Variants in SGCD observed in about 807,000 individuals in gnomAD.
SGCD encodes sarcoglycan delta, also known as delta-sarcoglycan.
Under a neutral mutation model 36.6 loss-of-function variants are expected in SGCD, and 18 were observed. That is an observed-to-expected ratio of 0.49 (90% CI 0.34 to 0.73). The LOEUF is 0.73. Ranked by LOEUF, SGCD falls within the 30% of genes least tolerant of loss-of-function variation. The pLI is 0.01. For missense variants in SGCD, 387 were observed against 346.7 expected (o/e 1.12, Z -0.92); for synonymous variants, 133 against 130.6 (o/e 1.02, Z -0.12).
intron 1 of SGCD, among the ~76,000 whole-genome samples, chr5:156,068,746 C>CA (rs1760425646): frequency 6.6e-6 from 1 of 150,540 alleles, no homozygotes; most frequent in African/African-American, 2.5e-5. Flanking sequence ...CCAACAGTGT[C>CA]AAAGTGTTCC....
chr5:156,238,527 C>A (rs1157275607), intron 3 of SGCD, among the ~76,000 whole-genome samples: 1 of 152,152 alleles, frequency 6.6e-6, no homozygotes, highest in East Asian at 1.9e-4. Flanking sequence ...GTGGATAAGG[C>A]CAAGAATAGA....
the SGCD span, among the ~76,000 whole-genome samples, chr5:155,817,213 G>C: frequency 6.6e-6 from 1 of 152,044 alleles, no homozygotes; most frequent in Non-Finnish European, 1.5e-5. Flanking sequence ...TCTTGGTAAT[G>C]CTGCAATGAA....
At chr5:156,723,197 GTTATCT>G (rs564950522) in intron 7 of SGCD, among the ~76,000 whole-genome samples, 10 of 152,142 alleles carry the variant, frequency 6.6e-5, no homozygotes, top group Non-Finnish European at 1.2e-4. Flanking sequence ...GGAGCACCAA[GTTATCT>G]GAGATTGAAA....
chr5:156,132,158 A>G (rs1581118915), intron 3 of SGCD, among the ~76,000 whole-genome samples: 1 of 152,128 alleles, frequency 6.6e-6, no homozygotes, highest in East Asian at 1.9e-4. Context: ...TGTTTCTCAT[A>G]GTCATCACTG....
At chr5:156,071,184 G>T (rs1278571997) in intron 1 of SGCD, among the ~76,000 whole-genome samples, 2 of 152,110 alleles carry the variant, frequency 1.3e-5, no homozygotes, top group Non-Finnish European at 2.9e-5. Context: ...TTTTGAATGT[G>T]TTTGCTCTTG....
At chr5:156,388,582 C>T (rs1771401590) in intron 3 of SGCD, among the ~76,000 whole-genome samples, 1 of 152,186 alleles carries the variant, frequency 6.6e-6, no homozygotes, top group African/African-American at 2.4e-5. Flanking sequence ...ATTTGGCAGT[C>T]TGAAGACCCC....
chr5:156,331,306 C>T (rs115199871), intron 2 of SGCD, among the ~76,000 whole-genome samples: 3,046 of 152,252 alleles, frequency 0.02, 103 homozygotes, highest in African/African-American at 0.069. Context: ...ACAAAGGAAA[C>T]CATGTAAGCT....
chr5:156,568,432 A>T (rs999300190), intron 4 of SGCD, among the ~76,000 whole-genome samples: 5 of 152,190 alleles, frequency 3.3e-5, no homozygotes, highest in Admixed American at 6.5e-5. Flanking sequence ...AAATGGTCCT[A>T]ATCCCTACTC....
At chr5:156,285,166 A>C (rs1766559679) in intron 3 of SGCD, among the ~76,000 whole-genome samples, 1 of 152,224 alleles carries the variant, frequency 6.6e-6, no homozygotes, top group South Asian at 2.1e-4. Flanking sequence ...GCTCAATGAA[A>C]TAAAAGAGGA....
chr5:156,689,150 G>C (rs1754018684), intron 7 of SGCD, among the ~76,000 whole-genome samples: 1 of 152,188 alleles, frequency 6.6e-6, no homozygotes, highest in Non-Finnish European at 1.5e-5. Flanking sequence ...TCTTAGTTTT[G>C]ACAAACGTAC....
At chr5:156,033,110 A>T (rs572506653) in intron 1 of SGCD, among the ~76,000 whole-genome samples, 94 of 141,474 alleles carry the variant, frequency 6.6e-4, no homozygotes, top group African/African-American at 2.6e-3. Flanking sequence ...AATACTTTAT[A>T]AAAAAACAAA....
intron 3 of SGCD, among the ~76,000 whole-genome samples, chr5:156,411,220 C>T (rs1772732942): frequency 1.3e-5 from 2 of 152,190 alleles, no homozygotes; most frequent in Admixed American, 6.5e-5. Context: ...CCTTAGGTCG[C>T]ACCATTTATT....
intron 1 of SGCD, among the ~76,000 whole-genome samples, chr5:155,954,775 G>T (rs1043513355): frequency 1.3e-5 from 2 of 152,114 alleles, no homozygotes; most frequent in African/African-American, 4.8e-5. Context: ...TATCCAGGAA[G>T]AGCCTTACTA....
intron 3 of SGCD, among the ~76,000 whole-genome samples, chr5:156,443,456 C>T (rs1398687180): frequency 6.6e-6 from 1 of 152,134 alleles, no homozygotes; most frequent in Non-Finnish European, 1.5e-5. Context: ...CAGGAATCCT[C>T]AGAGTGTGTC....
Position 156,129,061 on chromosome 5 carries a change from G to T in SGCD, c.-44+5042G>T, listed in dbSNP as rs377664292. On this transcript the variant is annotated intron_variant, in intron 3 of 9. Transcript: ENST00000517913. The stretch of plus-strand genomic sequence containing the variant: ...CAGTGCTTGCTTCTGGTGAGGTGAT[G>T]CCTGGGAAATGTTCATGAGGGAAAT... 1.3e-4 allele frequency among the ~76,000 whole-genome samples: 20 copies of T among 152,284 alleles called. No individual in the cohort carries two copies. In the East Asian group the frequency reaches 3.3e-3, roughly 25 times the overall value.
intron 1 of SGCD, among the ~76,000 whole-genome samples, chr5:155,971,496 T>C (rs1758005822): frequency 6.6e-6 from 1 of 152,124 alleles, no homozygotes; most frequent in Non-Finnish European, 1.5e-5. Context: ...TTAAGTATAA[T>C]TTCCAGGAAT....
intron 2 of SGCD, among the ~76,000 whole-genome samples, chr5:156,122,087 G>T (rs1762056113): frequency 6.6e-6 from 1 of 152,150 alleles, no homozygotes; most frequent in South Asian, 2.1e-4. Flanking sequence ...CATTCATCTA[G>T]TCAGTATTCC....
At chr5:156,037,229 G>A (rs1434094480) in intron 1 of SGCD, among the ~76,000 whole-genome samples, 4 of 152,308 alleles carry the variant, frequency 2.6e-5, no homozygotes, top group South Asian at 2.1e-4. Flanking sequence ...GTGGGTGAAA[G>A]CTTCCCTGAG....
At chr5:155,871,029 ATGAT>A (rs1208800429) in intron 1 of SGCD, among the ~76,000 whole-genome samples, 1 of 152,096 alleles carries the variant, frequency 6.6e-6, no homozygotes, top group Non-Finnish European at 1.5e-5. Context: ...AGTGTATCAT[ATGAT>A]TGATTTCGGT....
Sources: gnomAD v4.1 joint callset for allele counts (sites outside exome capture counted in the v4.1 genomes callset) on GRCh38, gnomAD v4.1.1 for gene constraint, MANE v1.5 for transcripts, NCBI Gene and HGNC (gene_info 2026-07-23, HGNC 2026-07-21) for gene names.